Variants in SLC35F4 observed in about 807,000 individuals in gnomAD.
SLC35F4 encodes the protein chromosome 14 open reading frame 36.
A neutral mutation model predicts 44.2 loss-of-function variants in SLC35F4; 24 were observed. The observed-to-expected ratio is 0.54, with a 90% CI of 0.39 to 0.76. SLC35F4 has a LOEUF of 0.76. SLC35F4 is among the 30% of genes least tolerant of loss of function. The pLI is 0.00. For missense variants in SLC35F4, 562 were observed against 586.1 expected (o/e 0.96, Z 0.42); for synonymous variants, 238 against 223.6 (o/e 1.06, Z -0.57).
chr14:57,605,734 A>T (rs541737622), intron 1 of SLC35F4, among the ~76,000 whole-genome samples: 3 of 145,886 alleles, frequency 2.1e-5, no homozygotes, highest in Admixed American at 6.8e-5. Context: ...GGTTGGATTT[A>T]AAAAAAAAAA....
chr14:57,629,652 A>C (rs1467497989), intron 1 of SLC35F4, among the ~76,000 whole-genome samples: 1 of 152,162 alleles, frequency 6.6e-6, no homozygotes, highest in Non-Finnish European at 1.5e-5. Flanking sequence ...TTTCTCATGG[A>C]ATGGTCACAG....
intron 1 of SLC35F4, among the ~76,000 whole-genome samples, chr14:57,846,765 A>T (rs1886060953): frequency 6.6e-6 from 1 of 152,236 alleles, no homozygotes; most frequent in African/African-American, 2.4e-5. Context: ...CCATGCTTTG[A>T]GAGCTCAGAA....
At chr14:57,943,149 G>C (rs1566507862) in intron 1 of SLC35F4, among the ~76,000 whole-genome samples, 2 of 152,184 alleles carry the variant, frequency 1.3e-5, no homozygotes, top group South Asian at 2.1e-4. Flanking sequence ...CCGTATTACT[G>C]TATTGCTTTT....
intron 1 of SLC35F4, among the ~76,000 whole-genome samples, chr14:57,667,206 A>G (rs2074340023): frequency 7.3e-6 from 1 of 136,746 alleles, no homozygotes; most frequent in Non-Finnish European, 1.6e-5. Context: ...GAGGGAGGGA[A>G]GGGGAGGGAG....
intron 1 of SLC35F4, among the ~76,000 whole-genome samples, chr14:57,738,193 A>T (rs1182377088): frequency 2.6e-5 from 4 of 152,172 alleles, no homozygotes; most frequent in African/African-American, 4.8e-5. Flanking sequence ...ATCTGTACCC[A>T]TCTGTTGATT....
intron 1 of SLC35F4, among the ~76,000 whole-genome samples, chr14:57,699,768 T>C (rs900081283): frequency 5.3e-5 from 8 of 152,162 alleles, no homozygotes; most frequent in African/African-American, 1.9e-4. Context: ...TAAGGACACA[T>C]AGACCCAGGG....
chr14:57,781,289 A>G (rs766568436), intron 1 of SLC35F4, among the ~76,000 whole-genome samples: 14 of 152,222 alleles, frequency 9.2e-5, no homozygotes, highest in Admixed American at 9.2e-4. Context: ...GAAGACATAC[A>G]TGTGCCCAAC....
chr14:57,584,835 T>TAACAAAA, intron 3 of SLC35F4, among the ~76,000 whole-genome samples: 1 of 152,278 alleles, frequency 6.6e-6, no homozygotes, highest in African/African-American at 2.4e-5. Context: ...AAACTTTTGT[T>TAACAAAA]GTTTTAAATC....
upstream of SLC35F4, among the ~76,000 whole-genome samples, chr14:57,866,414 C>G (rs1181653561): frequency 6.6e-6 from 1 of 152,220 alleles, no homozygotes; most frequent in African/African-American, 2.4e-5. Flanking sequence ...TCTACACCAC[C>G]TCTGGTCTGC....
chr14:57,920,129 G>A (rs988810827), intron 1 of SLC35F4, among the ~76,000 whole-genome samples: 7 of 152,120 alleles, frequency 4.6e-5, no homozygotes, highest in African/African-American at 1.4e-4. Flanking sequence ...TGTATGAAAC[G>A]TGTATCTTCC....
intron 1 of SLC35F4, chr14:57,799,615 G>C (rs999173579): frequency 6.5e-6 from 1 of 152,806 alleles, no homozygotes; most frequent in Non-Finnish European, 1.5e-5. Context: ...GAGCTCCTGG[G>C]GGGAGGGGTG....
intron 1 of SLC35F4, among the ~76,000 whole-genome samples, chr14:57,767,661 G>A (rs2077266284): frequency 6.6e-6 from 1 of 151,036 alleles, no homozygotes; most frequent in Non-Finnish European, 1.5e-5. Flanking sequence ...ATATAAAGAT[G>A]GAAATAAAGA....
chr14:57,588,897 A>G (rs1273082398), intron 3 of SLC35F4, among the ~76,000 whole-genome samples: 2 of 152,224 alleles, frequency 1.3e-5, no homozygotes, highest in Non-Finnish European at 2.9e-5. Flanking sequence ...ATAAGTGTAT[A>G]ACATTGAATG....
intron 1 of SLC35F4, among the ~76,000 whole-genome samples, chr14:57,673,158 T>C (rs1243551416): frequency 6.6e-6 from 1 of 152,122 alleles, no homozygotes; most frequent in East Asian, 1.9e-4. Flanking sequence ...CACTTTTTTA[T>C]GTAAGACAAA....
At chr14:57,939,856 C>A (rs1195648314) in intron 1 of SLC35F4, among the ~76,000 whole-genome samples, 1 of 152,138 alleles carries the variant, frequency 6.6e-6, no homozygotes, top group Non-Finnish European at 1.5e-5. Context: ...TATTTTTTTA[C>A]ATTCGCACTG....
chr14:57,941,633 C>T (rs1242102512), intron 1 of SLC35F4, among the ~76,000 whole-genome samples: 1 of 151,892 alleles, frequency 6.6e-6, no homozygotes, highest in Non-Finnish European at 1.5e-5. Context: ...TGTTCAATAT[C>T]ATGTATGTAC....
Position 57,865,907 on chromosome 14 carries a change from C to T in SLC35F4, c.-82G>A. 1 of 959,312 alleles carries T rather than the reference C, an allele frequency of 1.0e-6. No homozygotes were observed. Among genetic ancestry groups the T allele is most frequent in the Non-Finnish European group, 1.5e-6 (1 of 678,950 alleles). 59.4% of individuals were successfully genotyped at this position (959,312 alleles called of 1,614,324 possible). A position where few individuals can be genotyped will look rare whatever the true frequency, so the allele number is the denominator to read the frequency against. Reference sequence around the variant, plus strand: ...CCGGGAGCTGGTGCAGGTGCCGGAGCCGCTGGTGCTGATCTTGCAGCTCCT... The same window carrying T: ...CCGGGAGCTGGTGCAGGTGCCGGAGTCGCTGGTGCTGATCTTGCAGCTCCT... On this transcript the variant is annotated 5_prime_UTR_variant, in exon 1 of 8. Coordinates refer to ENST00000556826, the MANE Select transcript of SLC35F4 (RefSeq NM_001306087.2).
rs114333693 is a variant in SLC35F4 at position 57,949,787 on chromosome 14, C to T, written n.282+32126G>A. Among the ~76,000 whole-genome samples, 537 of 152,188 alleles carry T rather than the reference C, an allele frequency of 3.5e-3. 3 individuals carry two copies. The highest frequency in any genetic ancestry group is 0.012 in the African/African-American group (508 of 41,560). ...TTTTATCTCTCCTTCATTTATGAAA[C>T]TTAGTTTTGCTGAATACAAAATTCT... On this transcript the variant is annotated intron_variant and non_coding_transcript_variant, in intron 1 of 1. Transcript: ENST00000556568.
chr14:57,935,781 A>C (rs1043936599), intron 1 of SLC35F4, among the ~76,000 whole-genome samples: 2 of 152,220 alleles, frequency 1.3e-5, no homozygotes, highest in African/African-American at 4.8e-5. Context: ...AATTCACAAT[A>C]ATTGCTAATT....
Sources: allele counts gnomAD v4.1 joint callset (sites outside exome capture counted in the v4.1 genomes callset), GRCh38; gene constraint gnomAD v4.1.1; transcripts MANE v1.5; gene names NCBI Gene and HGNC (gene_info 2026-07-23, HGNC 2026-07-21).